Variants in FUCA1 observed in about 807,000 individuals in gnomAD.
FUCA1 encodes the protein tissue alpha-L-fucosidase.
In FUCA1, 52 loss-of-function variants were observed where a neutral mutation model predicts 56.8. The observed-to-expected ratio is 0.92, with a 90% confidence interval of 0.73 to 1.15. The LOEUF is 1.15. Ranked by LOEUF, FUCA1 falls within the 50% of genes most tolerant of loss-of-function variation. The probability of loss-of-function intolerance (pLI) is 0.00; values close to 1 mark genes in which losing one functional copy is unlikely to be tolerated. For synonymous variants in FUCA1, 230 were observed against 226.6 expected (o/e 1.02, Z -0.14); for missense variants, 568 against 592.6 (o/e 0.96, Z 0.43).
At chr1:23,857,122 C>T (rs1245530160) in intron 4 of FUCA1, among the ~76,000 whole-genome samples, 4 of 152,082 alleles carry the variant, frequency 2.6e-5, no homozygotes, top group African/African-American at 4.8e-5. Context: ...GTCATTTTTC[C>T]TTCTGTGATA....
At chr1:23,865,386 A>G in intron 2 of FUCA1, 105 bp downstream of exon 2, 2 of 1,464,034 alleles carry the variant, frequency 1.4e-6, no homozygotes, top group East Asian at 2.3e-5. Context: ...CCTTCAGGCT[A>G]CTTGCTATAT....
intron 4 of FUCA1, among the ~76,000 whole-genome samples, chr1:23,855,037 GCAGGCTGTTTTC>G (rs1344200670): frequency 4.6e-5 from 7 of 151,558 alleles, no homozygotes; most frequent in African/African-American, 1.7e-4. Flanking sequence ...TGAACCCATG[GCAGGCTGTTTTC>G]CAACTATATA....
chr1:23,849,768 A>G (rs931965390), intron 5 of FUCA1, among the ~76,000 whole-genome samples: 2 of 151,104 alleles, frequency 1.3e-5, no homozygotes, highest in Admixed American at 6.6e-5. Context: ...TTTTTAGTAG[A>G]GATGGGGTTT....
intron 3 of FUCA1, among the ~76,000 whole-genome samples, chr1:23,862,133 C>T (rs1001907483): frequency 1.3e-5 from 2 of 152,144 alleles, no homozygotes; most frequent in African/African-American, 4.8e-5. Flanking sequence ...TTACTATTTT[C>T]TTAAGAGAAG....
At chr1:23,859,364 C>T (rs567011088) in intron 4 of FUCA1, among the ~76,000 whole-genome samples, 2 of 152,064 alleles carry the variant, frequency 1.3e-5, no homozygotes, top group East Asian at 1.9e-4. Context: ...GTCAGGGGTT[C>T]GAGAGCAGCC....
chr1:23,864,034 G>C (rs879607951), intron 2 of FUCA1, among the ~76,000 whole-genome samples: 1 of 151,370 alleles, frequency 6.6e-6, no homozygotes, highest in Non-Finnish European at 1.5e-5. Context: ...AATGAATATA[G>C]GTTTATCGTT....
chr1:23,863,096 GA>G (rs1639542008), intron 3 of FUCA1, 37 bp downstream of exon 3: 1 of 1,610,652 alleles, frequency 6.2e-7, no homozygotes, highest in African/African-American at 1.3e-5. Context: ...TGATTTCATT[GA>G]TAAAAGTCAT....
chr1:23,861,453 G>C (rs1639512526), intron 3 of FUCA1, among the ~76,000 whole-genome samples: 2 of 151,630 alleles, frequency 1.3e-5, no homozygotes, highest in Admixed American at 1.3e-4. Context: ...AAAAAGAATG[G>C]TGTTTCAAGG....
At chr1:23,847,490 A>T (rs1639167418) in intron 6 of FUCA1, among the ~76,000 whole-genome samples, 1 of 152,208 alleles carries the variant, frequency 6.6e-6, no homozygotes. Flanking sequence ...TCGATGGTAT[A>T]GTATTTAGAG....
intron 6 of FUCA1, among the ~76,000 whole-genome samples, chr1:23,847,681 C>G (rs895716204): frequency 2.0e-5 from 3 of 152,074 alleles, no homozygotes; most frequent in Non-Finnish European, 4.4e-5. Flanking sequence ...TCTTGAACTT[C>G]CCAGCCTCCA....
At chr1:23,856,574 G>A (rs896477925) in intron 4 of FUCA1, among the ~76,000 whole-genome samples, 1 of 152,144 alleles carries the variant, frequency 6.6e-6, no homozygotes, top group African/African-American at 2.4e-5. Context: ...CTACGGCACC[G>A]GCTCTCAATA....
intron 4 of FUCA1, among the ~76,000 whole-genome samples, chr1:23,858,244 T>C (rs574656607): frequency 6.6e-6 from 1 of 151,834 alleles, no homozygotes; most frequent in South Asian, 2.1e-4. Context: ...TCTTTTTGTA[T>C]TTTTAGTAGA....
At chr1:23,865,684 C>A (rs1249866363) in intron 1 of FUCA1, 59 bp from the exon 2 acceptor site, 3 of 1,599,706 alleles carry the variant, frequency 1.9e-6, no homozygotes, top group East Asian at 4.5e-5. Flanking sequence ...CATGAACTTG[C>A]CCAGCATGCC....
In FUCA1 at chr1:23,867,730, C is replaced by A. The variant is rs1639653679; in HGVS notation, c.389+168G>T. ...AGTCCCCAGTCAAACGCACCTCCTC[C>A]TCCTCATCAGGTGTGCCAGGCTCAC... On this transcript the variant is annotated intron_variant, in intron 1 of 7. Transcript: ENST00000374479. This position sits in a 1 kb window ranked among gnomAD's most constrained non-coding sequence, Gnocchi z 4.9. 1.0e-6 allele frequency: 1 copy of A among 985,392 alleles called. No homozygotes were observed. 61.0% of individuals were successfully genotyped at this position (985,392 alleles called of 1,614,324 possible).
chr1:23,853,279 G>A (rs1639310616), intron 5 of FUCA1, among the ~76,000 whole-genome samples: 1 of 150,828 alleles, frequency 6.6e-6, no homozygotes, highest in Non-Finnish European at 1.5e-5. Context: ...TCTCCGCCCG[G>A]CAGCCACCCC....
intron 5 of FUCA1, among the ~76,000 whole-genome samples, chr1:23,853,908 C>T (rs1217762180): frequency 2.0e-5 from 3 of 150,226 alleles, no homozygotes; most frequent in Middle Eastern, 3.5e-3. Flanking sequence ...TCTCAAGTAC[C>T]CAGGGACACA....
In FUCA1 at chr1:23,854,566, G is replaced by A. The variant is rs1452686841; in HGVS notation, c.769-6C>T. ...TCATTTACTACCACCTCATCCTAAGGAGGGAAAGAATATTTGGTCATGAGG... is the reference window on the plus strand; with the variant it reads ...TCATTTACTACCACCTCATCCTAAGAAGGGAAAGAATATTTGGTCATGAGG... On this transcript the variant is annotated splice_region_variant and splice_polypyrimidine_tract_variant and intron_variant, in intron 4 of 7. Transcript: ENST00000374479. 6.2e-7 allele frequency: 1 copy of A among 1,610,534 alleles called. No homozygotes were observed. Among genetic ancestry groups the A allele is most frequent in the Non-Finnish European group, 8.5e-7 (1 of 1,176,784 alleles).
Position 23,845,651 on chromosome 1 carries a change from T to C in FUCA1, c.*64A>G. Reference sequence around the variant, plus strand: ...AGTTCGTTGATTATAGTGATGGTACTATAAGAGAAAAACTGAAGCAGGAAA... The same window carrying C: ...AGTTCGTTGATTATAGTGATGGTACCATAAGAGAAAAACTGAAGCAGGAAA... On this transcript the variant is annotated 3_prime_UTR_variant, in exon 8 of 8. Coordinates refer to ENST00000374479, the MANE Select transcript of FUCA1 (RefSeq NM_000147.5). The C allele has an allele frequency of 1.2e-6, 2 of 1,601,652 alleles. No individual in the cohort carries two copies. The highest frequency in any genetic ancestry group is 8.6e-7 in the Non-Finnish European group (1 of 1,168,684).
intron 5 of FUCA1, among the ~76,000 whole-genome samples, chr1:23,852,691 T>C (rs956262343): frequency 1.6e-4 from 24 of 152,148 alleles, no homozygotes; most frequent in Non-Finnish European, 2.4e-4. Context: ...TTGGCCGGGC[T>C]GGTCTCCAGC....
Sources: gnomAD v4.1 joint callset for allele counts (sites outside exome capture counted in the v4.1 genomes callset) on GRCh38, gnomAD v4.1.1 for gene constraint, Gnocchi (gnomAD v3.1) non-coding constraint, MANE v1.5 for transcripts, NCBI Gene and HGNC (gene_info 2026-07-23, HGNC 2026-07-21) for gene names.